The following MTFR1 variants were observed in gnomAD, a reference collection of about 807,000 sequenced individuals.
The protein encoded by MTFR1 is chondrocyte protein with a poly-proline region.
A neutral mutation model predicts 38.8 loss-of-function variants in MTFR1; 28 were observed. The observed-to-expected ratio is 0.72, with a 90% CI of 0.53 to 0.99. The LOEUF is 0.99. Ranked by LOEUF, MTFR1 falls within the 50% of genes least tolerant of loss-of-function variation. MTFR1 has a pLI of 0.00. For synonymous variants in MTFR1, 145 were observed against 137.0 expected (o/e 1.06, Z -0.41); for missense variants, 358 against 395.5 (o/e 0.91, Z 0.81).
At chr8:65,773,195 T>C (rs1201259015), downstream of MTFR1, among the ~76,000 whole-genome samples, 1 of 152,082 alleles carries the variant, frequency 6.6e-6, no homozygotes, top group Non-Finnish European at 1.5e-5. Context: ...ACACACTAGA[T>C]TACAATTTCA....
chr8:65,651,403 A>G (rs146918467), intron 1 of MTFR1, among the ~76,000 whole-genome samples: 98 of 152,322 alleles, frequency 6.4e-4, no homozygotes, highest in African/African-American at 2.3e-3. Flanking sequence ...AGTTTCCCCC[A>G]GTGTTTTCTT....
At chr8:65,673,607 A>T (rs1804628068) in intron 2 of MTFR1, among the ~76,000 whole-genome samples, 1 of 135,098 alleles carries the variant, frequency 7.4e-6, no homozygotes, top group Non-Finnish European at 1.7e-5. Flanking sequence ...AGTATAATTA[A>T]AAAAAAAAAA....
At chr8:65,652,291 C>G (rs1223708241) in intron 1 of MTFR1, among the ~76,000 whole-genome samples, 1 of 151,974 alleles carries the variant, frequency 6.6e-6, no homozygotes, top group East Asian at 1.9e-4. Context: ...TTTTTTAGTA[C>G]AAAAATATAG....
intron 3 of MTFR1, among the ~76,000 whole-genome samples, chr8:65,737,944 TGAAA>T (rs1037309629): frequency 6.6e-6 from 1 of 152,240 alleles, no homozygotes; most frequent in African/African-American, 2.4e-5. Context: ...TACTTAAAAT[TGAAA>T]GATTTTAAAA....
At chr8:65,732,739 C>T (rs1806952368) in intron 3 of MTFR1, among the ~76,000 whole-genome samples, 1 of 152,210 alleles carries the variant, frequency 6.6e-6, no homozygotes, top group Non-Finnish European at 1.5e-5. Flanking sequence ...TCTCAAACTC[C>T]TGGCTTCAAG....
intron 1 of MTFR1, among the ~76,000 whole-genome samples, chr8:65,652,907 G>A (rs953839000): frequency 5.3e-5 from 8 of 152,140 alleles, no homozygotes; most frequent in South Asian, 2.1e-4. Context: ...TTTTATATAA[G>A]GCACTTGAGC....
rs1179431555 is a variant in MTFR1, at chr8:65,730,171, C to CTTTTTTTTTTTTTTTTTTT, written c.*48+10698_*48+10716dup. Among the ~76,000 whole-genome samples, 23 of 86,442 alleles carry CTTTTTTTTTTTTTTTTTTT rather than the reference C, an allele frequency of 2.7e-4. 3 individuals carry two copies. Among genetic ancestry groups the CTTTTTTTTTTTTTTTTTTT allele is most frequent in the African/African-American group, 4.3e-4 (9 of 20,936 alleles). 56.7% of individuals were successfully genotyped at this position (86,442 alleles called of 152,430 possible). On this transcript the variant is annotated intron_variant, in intron 3 of 3. Coordinates refer to the MTFR1 transcript ENST00000521247. ...TGTGAGGGATCCAGGTTGCGCACTT[C>CTTTTTTTTTTTTTTTTTTT]TTTTTTTTTTTTTTTTTTTTTTTTT...
chr8:65,748,931 G>T (rs1195076612), intron 3 of MTFR1, among the ~76,000 whole-genome samples: 1 of 152,146 alleles, frequency 6.6e-6, no homozygotes, highest in Non-Finnish European at 1.5e-5. Context: ...TTCTGAATCT[G>T]CTCATCTTGC....
At chr8:65,697,047 C>A (rs1393313305) in intron 4 of MTFR1, among the ~76,000 whole-genome samples, 1 of 140,650 alleles carries the variant, frequency 7.1e-6, no homozygotes, top group African/African-American at 2.7e-5. Context: ...TGCAGTAGTG[C>A]GATCTCAGCT....
rs1353813966 is a variant in MTFR1, at chr8:65,663,769, T to TTCCCC, written c.-80-6094_-80-6090dup. Among the ~76,000 whole-genome samples, 10 of 135,166 alleles carry TTCCCC rather than the reference T, an allele frequency of 7.4e-5. No homozygotes were observed. In the East Asian group the frequency reaches 2.5e-3, roughly 34 times the overall value. 88.7% of individuals were successfully genotyped at this position (135,166 alleles called of 152,430 possible). A position where few individuals can be genotyped will look rare whatever the true frequency, so the allele number is the denominator to read the frequency against. On this transcript the variant is annotated intron_variant, in intron 1 of 7. Transcript: ENST00000262146. Reference sequence around the variant, plus strand: ...AGTTTCTTTCCCCCTCCCCTTCCCCTTCCCCTCCCCTCCCTTCCCTTCTCT... The same window carrying TTCCCC: ...AGTTTCTTTCCCCCTCCCCTTCCCCTTCCCCTCCCCTCCCCTCCCTTCCCTTCTCT...
chr8:65,669,709 G>A lies in MTFR1; in HGVS notation c.-80-164G>A, dbSNP rs545743324. On this transcript the variant is annotated intron_variant, in intron 1 of 7. Transcript: ENST00000262146. ...TGGGATTACAGGCATGCACCGCCAC[G>A]CCCGGCTAATTTTGTATTTTTAGTA... 5.9e-5 allele frequency among the ~76,000 whole-genome samples: 9 copies of A among 152,110 alleles called. No homozygotes were observed. In the South Asian group the frequency reaches 1.0e-3, roughly 17 times the overall value.
At chr8:65,730,179 T>C (rs1466250532) in intron 3 of MTFR1, among the ~76,000 whole-genome samples, 12 of 119,078 alleles carry the variant, frequency 1.0e-4, no homozygotes, top group South Asian at 2.9e-4. Context: ...TTCTTTTTTT[T>C]TTTTTTTTTT....
At chr8:65,668,891 C>A (rs1804477664) in intron 1 of MTFR1, among the ~76,000 whole-genome samples, 1 of 152,096 alleles carries the variant, frequency 6.6e-6, no homozygotes, top group African/African-American at 2.4e-5. Context: ...TGTTAGAGAC[C>A]AACACTTCCA....
At chr8:65,696,364 A>G (rs1166811942) in intron 4 of MTFR1, among the ~76,000 whole-genome samples, 3 of 152,220 alleles carry the variant, frequency 2.0e-5, no homozygotes. Flanking sequence ...CTTCACATGC[A>G]TATTTATAAG....
At chr8:65,656,642 C>T (rs1809278978) in intron 1 of MTFR1, among the ~76,000 whole-genome samples, 1 of 151,824 alleles carries the variant, frequency 6.6e-6, no homozygotes. Context: ...GCTGGAATTA[C>T]AGGCACCCAC....
chr8:65,704,695 A>G lies in MTFR1; in HGVS notation c.283A>G (p.Thr95Ala). 2 of 1,613,744 alleles carry G rather than the reference A, an allele frequency of 1.2e-6. No homozygotes were observed. The highest frequency in any genetic ancestry group is 1.7e-6 in the Non-Finnish European group (2 of 1,179,720). Reference protein sequence around the residue: ...EEGECSARLRTEVRSRPPLQD... With the variant: ...EEGECSARLRAEVRSRPPLQD... ...GCCCACCTTATGTCTTCCTTGCAGG[A>G]CAGAGGTCAGATCAAGGCCACCCCT... Residue 95 changes from threonine to alanine, a missense_variant and splice_region_variant, in exon 5 of 8, where the codon ACA becomes GCA. Thr to Ala is a moderately conservative substitution (Grantham distance 58). Coordinates refer to ENST00000262146, the MANE Select transcript of MTFR1 (RefSeq NM_014637.4).
At chr8:65,767,212 A>G (rs1475886265) in intron 3 of MTFR1, among the ~76,000 whole-genome samples, 1 of 152,234 alleles carries the variant, frequency 6.6e-6, no homozygotes, top group African/African-American at 2.4e-5. Context: ...GAGGTTAAAC[A>G]TGAAGCATGA....
intron 3 of MTFR1, among the ~76,000 whole-genome samples, chr8:65,690,468 TGCAGTGA>T (rs1272856734): frequency 1.3e-5 from 2 of 152,130 alleles, no homozygotes; most frequent in Non-Finnish European, 2.9e-5. Flanking sequence ...GGCGGGAGGT[TGCAGTGA>T]GCCGAGATGG....
At chr8:65,700,326 C>G (rs548187721) in intron 4 of MTFR1, among the ~76,000 whole-genome samples, 51 of 138,606 alleles carry the variant, frequency 3.7e-4, no homozygotes, top group African/African-American at 1.2e-3. Context: ...ATTCCAACCT[C>G]AGCAATGGAT....
Sources: gnomAD v4.1 joint callset for allele counts (sites outside exome capture counted in the v4.1 genomes callset) on GRCh38, gnomAD v4.1.1 for gene constraint, MANE v1.5 for transcripts, NCBI Gene and HGNC (gene_info 2026-07-23, HGNC 2026-07-21) for gene names.